Variants in DDX19B observed in about 807,000 individuals in gnomAD.
DDX19B encodes DEAD-box helicase 19B, also known as ATP-dependent RNA helicase DDX19B.
A neutral mutation model predicts 58.1 loss-of-function variants in DDX19B; 27 were observed. The observed-to-expected ratio is 0.46, with a 90% confidence interval of 0.34 to 0.64. The LOEUF is 0.64. Ranked by LOEUF, DDX19B falls within the 30% of genes least tolerant of loss-of-function variation. DDX19B has a pLI of 0.01. For synonymous variants in DDX19B, 187 were observed against 214.4 expected, an observed-to-expected ratio of 0.87 and a Z score of 1.12; for missense variants, 399 against 596.5, an observed-to-expected ratio of 0.67 and a Z score of 3.45.
chr16:70,320,378 T>G (rs1213865029), intron 5 of DDX19B, among the ~76,000 whole-genome samples: 3 of 150,320 alleles, frequency 2.0e-5, no homozygotes, highest in Admixed American at 6.7e-5. Context: ...CCAGTTTTTT[T>G]TTTTTTTTTT....
In DDX19B at chr16:70,317,631, T is replaced by C. The variant is rs754450935; in HGVS notation, c.389+43T>C. The C allele has an allele frequency of 7.1e-6, 11 of 1,559,434 alleles. No homozygotes were observed. In the South Asian group the frequency reaches 1.0e-4, roughly 15 times the overall value. On this transcript the variant is annotated intron_variant, in intron 5 of 11. Coordinates refer to ENST00000288071, the MANE Select transcript of DDX19B (RefSeq NM_007242.7). ...ACTCCATTTCATTTTAGATTTTCTA[T>C]TTTTGAAAACTATTATTATTTTCAC...
At chr16:70,321,949 C>A (rs1370291338) in intron 5 of DDX19B, among the ~76,000 whole-genome samples, 2 of 151,658 alleles carry the variant, frequency 1.3e-5, no homozygotes, top group East Asian at 3.9e-4. Context: ...GCAAAAGAAT[C>A]GCTTGAACCT....
intron 1 of DDX19B, among the ~76,000 whole-genome samples, chr16:70,305,080 T>G (rs1961687701): frequency 6.6e-6 from 1 of 152,136 alleles, no homozygotes; most frequent in African/African-American, 2.4e-5. Context: ...TATTTAAGAG[T>G]GAGTGACTAA....
intron 3 of DDX19B, 80 bp downstream of exon 3, chr16:70,315,035 T>C: frequency 6.7e-7 from 1 of 1,497,878 alleles, no homozygotes; most frequent in Non-Finnish European, 9.2e-7. Flanking sequence ...TTCATTTTTA[T>C]ACCCAGTTTG....
intron 1 of DDX19B, among the ~76,000 whole-genome samples, chr16:70,305,910 A>G (rs971213172): frequency 2.1e-4 from 32 of 151,560 alleles, no homozygotes; most frequent in African/African-American, 6.0e-4. Flanking sequence ...ACAGGCGCCC[A>G]CCACCATGCC....
At chr16:70,302,271 G>C (rs1207307630) in intron 1 of DDX19B, among the ~76,000 whole-genome samples, 1 of 152,022 alleles carries the variant, frequency 6.6e-6, no homozygotes, top group Non-Finnish European at 1.5e-5. Context: ...AATTTACACA[G>C]AGTAAAATTA....
intron 5 of DDX19B, chr16:70,318,048 G>C (rs1408307622): frequency 1.3e-5 from 2 of 148,500 alleles, no homozygotes; most frequent in African/African-American, 2.5e-5. Flanking sequence ...CTGGGTGACA[G>C]AGCGAGACTT....
intron 7 of DDX19B, among the ~76,000 whole-genome samples, chr16:70,326,664 G>A (rs896463137): frequency 6.6e-6 from 1 of 152,142 alleles, no homozygotes; most frequent in African/African-American, 2.4e-5. Context: ...AGACTCCCAA[G>A]TAGCTGGGAT....
chr16:70,331,062 AT>A (rs1963456113), intron 9 of DDX19B, among the ~76,000 whole-genome samples: 2 of 152,048 alleles, frequency 1.3e-5, no homozygotes, highest in Non-Finnish European at 2.9e-5. Context: ...TTAAAATAAA[AT>A]TTTAAAATAT....
intron 1 of DDX19B, among the ~76,000 whole-genome samples, chr16:70,308,429 GTTTTACCATGT>G (rs1379239367): frequency 7.1e-6 from 1 of 141,196 alleles, no homozygotes; most frequent in Non-Finnish European, 1.5e-5. Flanking sequence ...TAGAGACAGG[GTTTTACCATGT>G]TGGTCAGGCT....
At chr16:70,328,425 C>T (rs953936220) in intron 7 of DDX19B, among the ~76,000 whole-genome samples, 3 of 143,206 alleles carry the variant, frequency 2.1e-5, no homozygotes, top group African/African-American at 2.6e-5. Flanking sequence ...TGCAGTGGCG[C>T]GATCTCGGCT....
chr16:70,312,878 C>T (rs1567628022), intron 2 of DDX19B, among the ~76,000 whole-genome samples: 1 of 152,160 alleles, frequency 6.6e-6, no homozygotes, highest in Non-Finnish European at 1.5e-5. Context: ...GGGTCTTGCT[C>T]TGTTGCCCAG....
At chr16:70,296,526 C>G (rs1961230037), upstream of DDX19B, among the ~76,000 whole-genome samples, 1 of 151,952 alleles carries the variant, frequency 6.6e-6, no homozygotes, top group South Asian at 2.1e-4. Flanking sequence ...TACAAGTGAA[C>G]CTACTATATA....
chr16:70,290,619 A>C (rs148397096), upstream of DDX19B, among the ~76,000 whole-genome samples: 77 of 152,262 alleles, frequency 5.1e-4, no homozygotes, highest in Non-Finnish European at 6.0e-4. Flanking sequence ...GGATCACTTG[A>C]GCCTAGGAAG....
chr16:70,326,573 G>C (rs975538093), intron 7 of DDX19B, among the ~76,000 whole-genome samples: 1 of 152,188 alleles, frequency 6.6e-6, no homozygotes, highest in Non-Finnish European at 1.5e-5. Context: ...GTCTTGCTCT[G>C]TCACTCAGGC....
intron 5 of DDX19B, among the ~76,000 whole-genome samples, chr16:70,319,073 C>T (rs1030672645): frequency 2.0e-5 from 3 of 152,128 alleles, no homozygotes; most frequent in African/African-American, 4.8e-5. Context: ...CACTGCACTC[C>T]AGCCTGGGCA....
At chr16:70,321,339 T>C (rs1264731651) in intron 5 of DDX19B, among the ~76,000 whole-genome samples, 1 of 152,102 alleles carries the variant, frequency 6.6e-6, no homozygotes, top group Non-Finnish European at 1.5e-5. Flanking sequence ...AGACTTGTCT[T>C]GAACTCCTAC....
upstream of DDX19B, among the ~76,000 whole-genome samples, chr16:70,298,190 G>A (rs952533757): frequency 5.3e-5 from 8 of 152,020 alleles, no homozygotes; most frequent in Admixed American, 3.9e-4. Flanking sequence ...GGCGGATCAC[G>A]AGGTCAGGAG....
chr16:70,301,129 T>C (rs947353896), intron 1 of DDX19B, among the ~76,000 whole-genome samples: 2 of 152,314 alleles, frequency 1.3e-5, no homozygotes, highest in Non-Finnish European at 2.9e-5. Flanking sequence ...CTTTCTCTTG[T>C]CTTTTGGATC....
Sources: allele counts gnomAD v4.1 joint callset (sites outside exome capture counted in the v4.1 genomes callset), GRCh38; gene constraint gnomAD v4.1.1; transcripts MANE v1.5; gene names NCBI Gene and HGNC (gene_info 2026-07-23, HGNC 2026-07-21).